RNF130: variants seen among roughly 807,000 people sequenced by gnomAD.
RNF130 encodes E3 ubiquitin-protein ligase RNF130.
In RNF130, 21 loss-of-function variants were observed where a neutral mutation model predicts 44.6. The ratio of observed to expected loss-of-function variants is 0.47; its 90% CI spans 0.33 to 0.68. The LOEUF is 0.68. RNF130 is among the 30% of genes least tolerant of loss of function. The pLI is 0.02. For synonymous variants in RNF130, 214 were observed against 210.4 expected, an observed-to-expected ratio of 1.02 and a Z score of -0.15; for missense variants, 479 against 560.6, an observed-to-expected ratio of 0.85 and a Z score of 1.47.
chr5:180,060,241 G>A (rs1020227359), intron 1 of RNF130, among the ~76,000 whole-genome samples: 14 of 152,230 alleles, frequency 9.2e-5, no homozygotes, highest in Non-Finnish European at 1.6e-4. Flanking sequence ...GTAAATTGGT[G>A]TTGCTGTGAG....
At chr5:180,018,201 A>G (rs772200353) in intron 2 of RNF130, among the ~76,000 whole-genome samples, 3 of 152,020 alleles carry the variant, frequency 2.0e-5, no homozygotes, top group Non-Finnish European at 2.9e-5. Context: ...AGGCTGAGGC[A>G]GAAGAATTGC....
intron 3 of RNF130, among the ~76,000 whole-genome samples, chr5:179,984,947 C>T (rs1053785916): frequency 2.0e-5 from 3 of 152,078 alleles, no homozygotes; most frequent in African/African-American, 7.2e-5. Context: ...ATTCCAGAAT[C>T]TGAAAAATTT....
chr5:179,982,644 C>T lies in RNF130; in HGVS notation c.694-2444G>A, dbSNP rs140973474. Among the ~76,000 whole-genome samples the T allele has an allele frequency of 5.1e-3, 775 of 152,242 alleles. 3 individuals are homozygous for T. The highest frequency in any genetic ancestry group is 8.7e-3 in the Non-Finnish European group (594 of 68,018). Reference sequence around the variant, plus strand: ...AAACTGGAGTACAGTGGTGCAAACACGGCTCACTGTAGCCTTGACCTCTGG... The same window carrying T: ...AAACTGGAGTACAGTGGTGCAAACATGGCTCACTGTAGCCTTGACCTCTGG... On this transcript the variant is annotated intron_variant, in intron 3 of 8. Coordinates refer to ENST00000521389, the MANE Select transcript of RNF130 (RefSeq NM_018434.6).
At chr5:180,003,761 A>C (rs1430656992) in intron 3 of RNF130, among the ~76,000 whole-genome samples, 1 of 152,194 alleles carries the variant, frequency 6.6e-6, no homozygotes, top group African/African-American at 2.4e-5. Flanking sequence ...GAGGTACAAA[A>C]TTCTTCCATG....
intron 2 of RNF130, among the ~76,000 whole-genome samples, chr5:180,018,888 C>G (rs1052621544): frequency 2.0e-5 from 3 of 152,188 alleles, no homozygotes; most frequent in Non-Finnish European, 4.4e-5. Flanking sequence ...AACCCCGGGG[C>G]AAGCCCAGTG....
chr5:179,946,918 G>C (rs1291902613), intron 7 of RNF130, among the ~76,000 whole-genome samples: 1 of 152,132 alleles, frequency 6.6e-6, no homozygotes, highest in Non-Finnish European at 1.5e-5. Flanking sequence ...GCTGATCTCA[G>C]GGCCGGTTGC....
chr5:180,020,057 G>T (rs1763836857), intron 2 of RNF130, among the ~76,000 whole-genome samples: 1 of 152,154 alleles, frequency 6.6e-6, no homozygotes, highest in South Asian at 2.1e-4. Flanking sequence ...CTAAATGACA[G>T]GAAGAGAGGG....
intron 8 of RNF130, among the ~76,000 whole-genome samples, chr5:179,958,437 T>C (rs904883330): frequency 6.6e-6 from 1 of 152,184 alleles, no homozygotes; most frequent in African/African-American, 2.4e-5. Context: ...GCTTTTGATA[T>C]TTAAGGTTCT....
At chr5:180,050,517 G>T (rs940413145) in intron 1 of RNF130, among the ~76,000 whole-genome samples, 2 of 152,158 alleles carry the variant, frequency 1.3e-5, no homozygotes, top group African/African-American at 4.8e-5. Flanking sequence ...ATTCTCTCAG[G>T]ATACTGTCTG....
At chr5:180,056,105 C>CA (rs1419132471) in intron 1 of RNF130, among the ~76,000 whole-genome samples, 4 of 151,492 alleles carry the variant, frequency 2.6e-5, no homozygotes, top group Non-Finnish European at 4.4e-5. Flanking sequence ...AAAACAAAAA[C>CA]AAAAAAACAA....
At position 180,013,062 on chromosome 5, in the gene RNF130, T is replaced by G; in HGVS notation, c.692A>C (p.Gln231Pro). ...IRYTNARDRN[Q>P]RRLGDAAKKA... is the part of the protein sequence containing the mutation. ...ATCACTGTTGAGTACTGAGCTCACCTGGTTCCTGTCGCGTGCATTTGTGTA... is the reference window on the plus strand; with the variant it reads ...ATCACTGTTGAGTACTGAGCTCACCGGGTTCCTGTCGCGTGCATTTGTGTA... Residue 231 changes from glutamine (Q) to proline (P), a missense_variant and splice_region_variant, in exon 3 of 9, where the codon CAG becomes CCG. Coordinates refer to ENST00000521389, the MANE Select transcript of RNF130 (RefSeq NM_018434.6). 1 of 1,612,738 alleles carries G rather than the reference T, an allele frequency of 6.2e-7. No homozygotes were observed. Among genetic ancestry groups the G allele is most frequent in the Non-Finnish European group, 8.5e-7 (1 of 1,179,736 alleles).
rs769715510 is a variant in RNF130 at position 179,980,136 on chromosome 5, C to T, written c.758G>A (p.Gly253Asp). 1 of 1,613,964 alleles carries T rather than the reference C, an allele frequency of 6.2e-7. No homozygotes were observed. Among genetic ancestry groups the T allele is most frequent in the South Asian group, 1.1e-5 (1 of 91,068 alleles). ...GTTGTTTCATGACTGTACCTTGTCA[C>T]CCTTCTTTACTGTCCTGGTTGTCAA... ...SKLTTRTVKK[G>D]DKETDPDFDH... Residue 253 changes from glycine (G) to aspartate (D), a missense_variant, in exon 4 of 9, where the codon GGT becomes GAT. Transcript: ENST00000521389.
downstream of RNF130, among the ~76,000 whole-genome samples, chr5:179,952,724 A>C (rs1001027861): frequency 6.6e-6 from 1 of 152,248 alleles, no homozygotes; most frequent in Non-Finnish European, 1.5e-5. Flanking sequence ...ATAGGATAGA[A>C]TAGAATAAAG....
chr5:179,926,606 C>T (rs184491743), intron 7 of RNF130, among the ~76,000 whole-genome samples: 1 of 152,246 alleles, frequency 6.6e-6, no homozygotes, highest in Non-Finnish European at 1.5e-5. Flanking sequence ...CGAGATAGCG[C>T]CATTGCACTC....
intron 7 of RNF130, among the ~76,000 whole-genome samples, chr5:179,948,394 G>A (rs1762075039): frequency 6.6e-6 from 1 of 152,164 alleles, no homozygotes; most frequent in South Asian, 2.1e-4. Flanking sequence ...TCTTGGCCTG[G>A]TGCATTGGCT....
Position 179,926,517 on chromosome 5 carries a change from C to T in RNF130, c.1151-6091G>A, listed in dbSNP as rs533543849. Among the ~76,000 whole-genome samples, 15 of 147,068 alleles carry T rather than the reference C, an allele frequency of 1.0e-4. No individual in the cohort carries two copies. The South Asian group carries it at 1.3e-3, about 13-fold the overall frequency. ...AAAAAAAATTAGCCGGGTGTGGTGG[C>T]GCATGCCTGTAATCCCAGTTACTCG... is the stretch of plus-strand genomic sequence containing the variant. On this transcript the variant is annotated intron_variant, in intron 7 of 7. Coordinates refer to the RNF130 transcript ENST00000522208.
chr5:180,021,448 AAG>A (rs1763871938), intron 2 of RNF130, among the ~76,000 whole-genome samples: 1 of 152,136 alleles, frequency 6.6e-6, no homozygotes, highest in Non-Finnish European at 1.5e-5. Context: ...AAGCAACTCT[AAG>A]ATGTCATGGA....
chr5:179,975,429 C>G (rs1037876768), intron 5 of RNF130, among the ~76,000 whole-genome samples: 1 of 152,240 alleles, frequency 6.6e-6, no homozygotes, highest in African/African-American at 2.4e-5. Flanking sequence ...ACACAATGAC[C>G]TGGTCCCAAA....
intron 2 of RNF130, among the ~76,000 whole-genome samples, chr5:180,014,364 A>C (rs555140825): frequency 6.6e-6 from 1 of 152,360 alleles, no homozygotes; most frequent in East Asian, 1.9e-4. Flanking sequence ...TCATAAGCTG[A>C]AGCTGCCGGT....
Sources: allele counts gnomAD v4.1 joint callset (sites outside exome capture counted in the v4.1 genomes callset), GRCh38; gene constraint gnomAD v4.1.1; transcripts MANE v1.5; gene names NCBI Gene and HGNC (gene_info 2026-07-23, HGNC 2026-07-21).